Variants in HSPH1 observed in about 807,000 individuals in gnomAD.
HSPH1 encodes the protein heat shock protein family H (Hsp110) member 1, also known as heat shock protein 105 kDa.
HSPH1 carries 40 observed loss-of-function variants against 100.0 expected under a neutral mutation model. The observed-to-expected ratio is 0.40, with a 90% CI of 0.31 to 0.52. HSPH1 has a LOEUF of 0.52. Among genes scored for constraint, HSPH1 ranks in the 20% least tolerant of loss-of-function variants. HSPH1 has a pLI of 0.54. For synonymous variants in HSPH1, 403 were observed against 344.0 expected (o/e 1.17, Z -1.90); for missense variants, 876 against 1,015.1 (o/e 0.86, Z 1.86).
At chr13:31,153,038 T>C (rs1216859344) in intron 4 of HSPH1, 87 bp from the exon 5 acceptor site, 7 of 895,134 alleles carry the variant, frequency 7.8e-6, no homozygotes, top group Middle Eastern at 2.8e-4. Flanking sequence ...TTCACAACAG[T>C]CCAGCTAAGT....
chr13:31,139,296 C>T (rs1487638910), intron 14 of HSPH1, 189 bp from the exon 15 acceptor site: 1 of 562,420 alleles, frequency 1.8e-6, no homozygotes, highest in Non-Finnish European at 3.2e-6. Context: ...TCTTAGAAGC[C>T]CAATCTGTAC....
rs1185307213 is a variant in HSPH1 at position 31,150,015 on chromosome 13, C to A, written c.1076G>T (p.Gly359Val). 6.2e-7 allele frequency: 1 copy of A among 1,613,850 alleles called. No individual in the cohort carries two copies. Among genetic ancestry groups the A allele is most frequent in the South Asian group, 1.1e-5 (1 of 91,076 alleles). Reference sequence around the variant, plus strand: ...ATTGAGTGTTGTGCTAATATCTTTTCCAAAGAATTTGGCAATTCTTTCCTT... The same window carrying A: ...ATTGAGTGTTGTGCTAATATCTTTTACAAAGAATTTGGCAATTCTTTCCTT... ...AVKERIAKFF[G>V]KDISTTLNAD... The change falls in exon 8 of 18, where the codon GGA becomes GTA. Residue 359 changes from glycine (G) to valine (V), a missense_variant. Physicochemically the swap from Gly to Val is moderately radical, Grantham distance 109. Transcript: ENST00000320027.
chr13:31,154,848 A>C, intron 3 of HSPH1, 93 bp from the exon 4 acceptor site: 1 of 1,054,248 alleles, frequency 9.5e-7, no homozygotes, highest in Non-Finnish European at 1.4e-6. Context: ...ATTCCCTTCC[A>C]CAAAATCTTT....
Position 31,149,942 on chromosome 13 carries a change from T to G in HSPH1, c.1137+12A>C, listed in dbSNP as rs778346312. ...GACTGTACACCAAGCAAAAGCAGAG[T>G]TGAGAAAGTACCTGTAATGCACATC... On this transcript the variant is annotated intron_variant, in intron 8 of 17. Coordinates refer to ENST00000320027, the MANE Select transcript of HSPH1 (RefSeq NM_006644.4). 6.2e-7 allele frequency: 1 copy of G among 1,603,340 alleles called. No individual in the cohort carries two copies. Among genetic ancestry groups the G allele is most frequent in the Non-Finnish European group, 8.5e-7 (1 of 1,170,400 alleles).
intron 12 of HSPH1, among the ~76,000 whole-genome samples, chr13:31,142,209 G>C (rs1431885190): frequency 6.6e-6 from 1 of 152,080 alleles, no homozygotes; most frequent in African/African-American, 2.4e-5. Context: ...TAATTTTGAG[G>C]AGTTACAATG....
rs756847047 is a variant in HSPH1 at position 31,151,096 on chromosome 13, C to T, written c.759G>A (p.Lys253=). The T allele has an allele frequency of 1.4e-5, 22 of 1,613,644 alleles. No individual in the cohort carries two copies. The highest frequency in any genetic ancestry group is 2.7e-5 in the African/African-American group (2 of 74,922). ...CTCGTATTTTGGATTTTGCATCCAA[C>T]TTGTACTTAGTTTTAAATTCTGCAC... is the stretch of plus-strand genomic sequence containing the variant. ...HFCAEFKTKY[K]LDAKSKIRAL... Residue 253 remains lysine, a synonymous_variant, in exon 7 of 18, where the codon AAG becomes AAA. Coordinates refer to ENST00000320027, the MANE Select transcript of HSPH1 (RefSeq NM_006644.4).
intron 11 of HSPH1, 60 bp from the exon 12 acceptor site, chr13:31,143,983 A>G: frequency 7.2e-7 from 1 of 1,389,760 alleles, no homozygotes; most frequent in Non-Finnish European, 9.5e-7. Flanking sequence ...ATAAATTTTT[A>G]AAGTTAAAGG....
Position 31,143,892 on chromosome 13 carries a change from C to A in HSPH1, c.1616G>T (p.Gly539Val). The A allele has an allele frequency of 6.2e-7, 1 of 1,607,506 alleles. No homozygotes were observed. Among genetic ancestry groups the A allele is most frequent in the South Asian group, 1.1e-5 (1 of 90,226 alleles). Residue 539 changes from glycine to valine, a missense_variant, in exon 12 of 18, where the codon GGA (glycine) becomes GTA (valine). Physicochemically the swap from Gly to Val is moderately radical, Grantham distance 109 (BLOSUM62 -3). Transcript: ENST00000320027. ...ATCAGTTTGTACCTGGGGCTGTGTT[C>A]CAGCTTCACTGTTGTCTTGCTGGAC... is the stretch of plus-strand genomic sequence containing the variant. The part of the protein sequence containing the change: ...KNVQQDNSEA[G>V]TQPQVQTDAQ...
In HSPH1 at chr13:31,154,641, C is replaced by T; in HGVS notation, c.421G>A (p.Val141Ile). 6.2e-7 allele frequency: 1 copy of T among 1,614,000 alleles called. No individual in the cohort carries two copies. Among genetic ancestry groups the T allele is most frequent in the Non-Finnish European group, 8.5e-7 (1 of 1,179,930 alleles). Residue 141 changes from valine to isoleucine, a missense_variant, in exon 4 of 18, where the codon GTT becomes ATT. By Grantham distance (29) the Val-to-Ile change is conservative. Coordinates refer to ENST00000320027, the MANE Select transcript of HSPH1 (RefSeq NM_006644.4). ...NSLKKPVTDC[V>I]ISVPSFFTDA... ...TGCTGAATTATACTTACTGAAATAA[C>T]ACAATCTGTTACTGGTTTCTTGAGG...
Position 31,161,814 on chromosome 13 carries a change from G to A in HSPH1, c.-232C>T, listed in dbSNP as rs1297333467. ...ATAAGAAACCCTGGGAGAAAGCGGG[G>A]CTCAGCCTCCGCAGGTCGCTCCGCA... On this transcript the variant is annotated 5_prime_UTR_variant, in exon 1 of 18. Transcript: ENST00000320027. 11 of 1,480,750 alleles carry A rather than the reference G, an allele frequency of 7.4e-6. No individual in the cohort carries two copies. Among genetic ancestry groups the A allele is most frequent in the Non-Finnish European group, 9.0e-6 (10 of 1,117,208 alleles). The allele number at this position is 1,480,750 out of a possible 1,614,324, so 91.7% of individuals were successfully genotyped here. A position where few individuals can be genotyped will look rare whatever the true frequency, so the allele number is the denominator to read the frequency against.
At chr13:31,160,903 G>A (rs1206286910) in intron 1 of HSPH1, among the ~76,000 whole-genome samples, 3 of 152,228 alleles carry the variant, frequency 2.0e-5, no homozygotes, top group Non-Finnish European at 2.9e-5. Flanking sequence ...TGCTTCCGTG[G>A]TCGCTAACAA....
intron 14 of HSPH1, among the ~76,000 whole-genome samples, chr13:31,139,448 A>C (rs1316710289): frequency 6.6e-6 from 1 of 152,020 alleles, no homozygotes; most frequent in African/African-American, 2.4e-5. Flanking sequence ...CACATGAAAA[A>C]ATCATTCCTA....
intron 12 of HSPH1, among the ~76,000 whole-genome samples, chr13:31,141,534 T>A (rs1439231031): frequency 1.3e-5 from 2 of 152,072 alleles, no homozygotes; most frequent in African/African-American, 4.8e-5. Flanking sequence ...AAGTCTTTAC[T>A]TTCTAAGCCC....
rs1956795722 is a variant in HSPH1, at chr13:31,158,801, C to T, written c.165+5G>A. On this transcript the variant is annotated splice_donor_5th_base_variant and intron_variant, in intron 2 of 17. Coordinates refer to ENST00000320027, the MANE Select transcript of HSPH1 (RefSeq NM_006644.4). ...AAGTGATCCGAATTCTCTTAAAGAACATACCTGATTTTTGGCTGCAACTCC... is the reference window on the plus strand; with the variant it reads ...AAGTGATCCGAATTCTCTTAAAGAATATACCTGATTTTTGGCTGCAACTCC... 1 of 1,590,636 alleles carries T rather than the reference C, an allele frequency of 6.3e-7. No homozygotes were observed. Among genetic ancestry groups the T allele is most frequent in the Non-Finnish European group, 8.6e-7 (1 of 1,158,736 alleles).
intron 5 of HSPH1, 82 bp from the exon 6 acceptor site, chr13:31,151,824 A>G: frequency 8.4e-7 from 1 of 1,185,382 alleles, no homozygotes; most frequent in Non-Finnish European, 1.2e-6. Flanking sequence ...CACATGCAGG[A>G]AGCTTGACTA....
At chr13:31,150,549 G>A (rs970946474) in intron 7 of HSPH1, among the ~76,000 whole-genome samples, 2 of 152,134 alleles carry the variant, frequency 1.3e-5, no homozygotes, top group East Asian at 3.9e-4. Flanking sequence ...TCAGCCTCCT[G>A]AAAAGTTGTG....
At chr13:31,155,145 T>TA (rs1956637322) in intron 3 of HSPH1, among the ~76,000 whole-genome samples, 2 of 152,128 alleles carry the variant, frequency 1.3e-5, no homozygotes, top group African/African-American at 2.4e-5. Flanking sequence ...TCTGCAAGTT[T>TA]AAAAAAAGAT....
rs763751018 is a variant in HSPH1, at chr13:31,155,667, G to A, written c.166-13C>T. 6.4e-7 allele frequency: 1 copy of A among 1,567,074 alleles called. No individual in the cohort carries two copies. Among genetic ancestry groups the A allele is most frequent in the Non-Finnish European group, 8.6e-7 (1 of 1,159,882 alleles). On this transcript the variant is annotated splice_polypyrimidine_tract_variant and intron_variant, in intron 2 of 17. Coordinates refer to ENST00000320027, the MANE Select transcript of HSPH1 (RefSeq NM_006644.4). ...CATGAGTGATTTGCTGCAAAAAGAAGTTTGAGATTTTAATTTTTTTCTTTA... is the reference window on the plus strand; with the variant it reads ...CATGAGTGATTTGCTGCAAAAAGAAATTTGAGATTTTAATTTTTTTCTTTA...
intron 3 of HSPH1, among the ~76,000 whole-genome samples, chr13:31,155,002 A>C (rs114860873): frequency 9.7e-4 from 148 of 152,328 alleles, no homozygotes; most frequent in African/African-American, 3.3e-3. Context: ...GGAGCGGAAG[A>C]AAGCTAGGGC....
Sources: gnomAD v4.1 joint callset for allele counts (sites outside exome capture counted in the v4.1 genomes callset) on GRCh38, gnomAD v4.1.1 for gene constraint, MANE v1.5 for transcripts, NCBI Gene and HGNC (gene_info 2026-07-23, HGNC 2026-07-21) for gene names.